OTOP3: variants seen among roughly 807,000 people sequenced by gnomAD.
The protein encoded by OTOP3 is otopetrin 3.
In OTOP3, 41 loss-of-function variants were observed where a neutral mutation model predicts 50.8. The observed-to-expected ratio is 0.81, with a 90% CI of 0.63 to 1.05. OTOP3 has a LOEUF of 1.05. Among genes scored for constraint, OTOP3 ranks in the 50% least tolerant of loss-of-function variants. The pLI is 0.00. For synonymous variants in OTOP3, 320 were observed against 324.4 expected, an observed-to-expected ratio of 0.99 and a Z score of 0.14; for missense variants, 788 against 760.8, an observed-to-expected ratio of 1.04 and a Z score of -0.42.
intron 5 of OTOP3, among the ~76,000 whole-genome samples, chr17:74,946,131 C>T (rs1186963530): frequency 6.6e-6 from 1 of 152,166 alleles, no homozygotes; most frequent in African/African-American, 2.4e-5. Flanking sequence ...GCACGTGCCA[C>T]CATGCCCAGC....
rs1792971942 is a variant in OTOP3, at chr17:74,937,927, G to C, written c.19+1987G>C. ...CCAGGTGGGTGGGGAGGATGGGCGA[G>C]TGGTGGGGGAGGCAGAAAGAAGAGC... is the stretch of plus-strand genomic sequence containing the variant. On this transcript the variant is annotated intron_variant, in intron 1 of 6. Coordinates refer to ENST00000328801, the MANE Select transcript of OTOP3 (RefSeq NM_001272005.2). Among the ~76,000 whole-genome samples the C allele has an allele frequency of 2.6e-5, 4 of 152,136 alleles. 2 individuals carry two copies. The South Asian group carries it at 8.3e-4, about 32-fold the overall frequency.
At chr17:74,940,997 G>A (rs567334120) in intron 1 of OTOP3, among the ~76,000 whole-genome samples, 14 of 152,276 alleles carry the variant, frequency 9.2e-5, no homozygotes, top group Middle Eastern at 3.4e-3. Flanking sequence ...GGTGTCAGAA[G>A]TGAAAGTCCT....
At chr17:74,939,280 G>A (rs952887143) in intron 1 of OTOP3, among the ~76,000 whole-genome samples, 2 of 152,184 alleles carry the variant, frequency 1.3e-5, no homozygotes, top group East Asian at 1.9e-4. Context: ...AGGACACCCA[G>A]TTCTCTGCTA....
chr17:74,947,061 A>T lies in OTOP3; in HGVS notation c.1152A>T (p.Arg384Ser). The T allele has an allele frequency of 6.2e-7, 1 of 1,614,092 alleles. No homozygotes were observed. Among genetic ancestry groups the T allele is most frequent in the Non-Finnish European group, 8.5e-7 (1 of 1,180,040 alleles). Residue 384 changes from arginine to serine, a missense_variant, in exon 6 of 7, where the codon AGA becomes AGT. Coordinates refer to ENST00000328801, the MANE Select transcript of OTOP3 (RefSeq NM_001272005.2). ...AGTAIHGLEE[R>S]ELDTVKNPTR... is the part of the protein sequence containing the mutation. ...CAGCCATACACGGGCTGGAGGAGAGAGAGCTGGACACGGTCAAGAACCCTA... is the reference window on the plus strand; with the variant it reads ...CAGCCATACACGGGCTGGAGGAGAGTGAGCTGGACACGGTCAAGAACCCTA...
Position 74,941,328 on chromosome 17 carries a change from G to A in OTOP3, c.20-65G>A, listed in dbSNP as rs143674679. On this transcript the variant is annotated intron_variant, in intron 1 of 6. Transcript: ENST00000328801. Reference sequence around the variant, plus strand: ...TGACCCTGGGTCACACAGCGGTTAGGGGCAGCGTGGACTTGAACCCAGGAC... The same window carrying A: ...TGACCCTGGGTCACACAGCGGTTAGAGGCAGCGTGGACTTGAACCCAGGAC... 2.8e-6 allele frequency: 4 copies of A among 1,430,846 alleles called. No individual in the cohort carries two copies. In the African/African-American group the frequency reaches 4.3e-5, roughly 15 times the overall value. The allele number at this position is 1,430,846 out of a possible 1,614,324, so 88.6% of individuals were successfully genotyped here.
chr17:74,941,845 G>A, intron 2 of OTOP3, 36 bp downstream of exon 2: 2 of 1,592,428 alleles, frequency 1.3e-6, no homozygotes, highest in Non-Finnish European at 1.7e-6. Flanking sequence ...GGGCAGGGGT[G>A]GGGAGGGAGA....
chr17:74,940,460 C>G (rs1408251260), intron 1 of OTOP3, among the ~76,000 whole-genome samples: 2 of 152,148 alleles, frequency 1.3e-5, no homozygotes, highest in African/African-American at 4.8e-5. Flanking sequence ...GACCAGCAGT[C>G]CCCAGTCCCC....
chr17:74,937,422 T>A, intron 1 of OTOP3, among the ~76,000 whole-genome samples: 1 of 152,184 alleles, frequency 6.6e-6, no homozygotes, highest in Non-Finnish European at 1.5e-5. Flanking sequence ...AGTGCTGGAA[T>A]CTGAGCACTT....
chr17:74,947,307 C>T lies in OTOP3; in HGVS notation c.1398C>T (p.Gly466=), dbSNP rs759813236. The T allele has an allele frequency of 3.7e-6, 6 of 1,613,466 alleles. No homozygotes were observed. Among genetic ancestry groups the T allele is most frequent in the East Asian group, 4.5e-5 (2 of 44,880 alleles). ...CACTCTGGGAGACAGTTCCCGAGGGCCTGGCAGGAAAGCAGGAGGCTGAGC... is the reference window on the plus strand; with the variant it reads ...CACTCTGGGAGACAGTTCCCGAGGGTCTGGCAGGAAAGCAGGAGGCTGAGC... ...RRPLWETVPE[G]LAGKQEAEPP... Residue 466 remains glycine, a synonymous_variant, in exon 6 of 7, where the codon GGC becomes GGT. Coordinates refer to ENST00000328801, the MANE Select transcript of OTOP3 (RefSeq NM_001272005.2).
At chr17:74,936,913 C>T (rs539551552) in intron 1 of OTOP3, among the ~76,000 whole-genome samples, 1 of 149,838 alleles carries the variant, frequency 6.7e-6, no homozygotes, top group South Asian at 2.1e-4. Context: ...TGTATTAAAT[C>T]ATGTCATTCT....
At chr17:74,937,563 G>C (rs1262210289) in intron 1 of OTOP3, among the ~76,000 whole-genome samples, 2 of 152,164 alleles carry the variant, frequency 1.3e-5, no homozygotes, top group Non-Finnish European at 2.9e-5. Context: ...TGCTCAATTT[G>C]GGTGGGGGAG....
At chr17:74,939,744 G>T (rs565351125) in intron 1 of OTOP3, among the ~76,000 whole-genome samples, 6 of 152,114 alleles carry the variant, frequency 3.9e-5, no homozygotes, top group African/African-American at 1.4e-4. Flanking sequence ...TCCGGGAGTG[G>T]GGGGAGGGGC....
chr17:74,936,831 C>T (rs2039120661), intron 1 of OTOP3, among the ~76,000 whole-genome samples: 1 of 152,150 alleles, frequency 6.6e-6, no homozygotes, highest in South Asian at 2.1e-4. Context: ...GAAGGAAATG[C>T]AGAGATAGCC....
At chr17:74,935,866 T>C, upstream of OTOP3, 1 of 1,543,840 alleles carries the variant, frequency 6.5e-7, no homozygotes, top group Non-Finnish European at 8.8e-7. Context: ...CGGGCATCGG[T>C]CTCACCTGGA....
At chr17:74,935,802 A>G (rs768034463), upstream of OTOP3, 27 of 1,512,550 alleles carry the variant, frequency 1.8e-5, no homozygotes, top group Non-Finnish European at 2.4e-5. Flanking sequence ...AGAAAAATCG[A>G]TGGGCCGCGG....
chr17:74,943,743 G>A lies in OTOP3; in HGVS notation c.751+19G>A, dbSNP rs776512806. The A allele has an allele frequency of 2.6e-6, 4 of 1,532,668 alleles. No individual in the cohort carries two copies. Among genetic ancestry groups the A allele is most frequent in the Admixed American group, 1.7e-5 (1 of 59,324 alleles). The allele number at this position is 1,532,668 out of a possible 1,614,324, so 94.9% of individuals were successfully genotyped here. ...TCCACAGGTATGGAAAGGAGACCAG[G>A]TCTTCCTTGCCCTGAAACACACACA... On this transcript the variant is annotated intron_variant, in intron 5 of 6. Coordinates refer to ENST00000328801, the MANE Select transcript of OTOP3 (RefSeq NM_001272005.2).
chr17:74,948,979 CT>C (rs1371470171), intron 6 of OTOP3, among the ~76,000 whole-genome samples: 1 of 152,242 alleles, frequency 6.6e-6, no homozygotes, highest in African/African-American at 2.4e-5. Flanking sequence ...TGGCGGCAGC[CT>C]GGGGTCTCCT....
At chr17:74,937,329 G>C (rs555705984) in intron 1 of OTOP3, among the ~76,000 whole-genome samples, 26 of 152,144 alleles carry the variant, frequency 1.7e-4, no homozygotes, top group Non-Finnish European at 3.5e-4. Flanking sequence ...TTGTATATCA[G>C]TTTTGCAGAT....
upstream of OTOP3, chr17:74,935,849 G>T (rs1479907310): frequency 6.5e-7 from 1 of 1,533,038 alleles, no homozygotes; most frequent in Non-Finnish European, 8.8e-7. Context: ...GCTGGGGGAG[G>T]GCGTCGCGGG....
Sources: gnomAD v4.1 joint callset for allele counts (sites outside exome capture counted in the v4.1 genomes callset) on GRCh38, gnomAD v4.1.1 for gene constraint, MANE v1.5 for transcripts, NCBI Gene and HGNC (gene_info 2026-07-23, HGNC 2026-07-21) for gene names.